Variants in SVIP observed in about 807,000 individuals in gnomAD.
The protein encoded by SVIP is small VCP interacting protein.
Under a neutral mutation model 12.9 loss-of-function variants are expected in SVIP, and 14 were observed. That is an observed-to-expected ratio of 1.08 (90% CI 0.72 to 1.70). The LOEUF is 1.70. Ranked by LOEUF, SVIP falls within the 40% of genes most tolerant of loss-of-function variation. The pLI is 0.00. For missense variants in SVIP, 93 were observed against 90.8 expected, an observed-to-expected ratio of 1.02 and a Z score of -0.10; for synonymous variants, 35 against 33.3, an observed-to-expected ratio of 1.05 and a Z score of -0.17.
rs549515287 is a variant in SVIP at position 22,821,535 on chromosome 11, A to T, written c.*1584T>A. 6.6e-6 allele frequency: 1 copy of T among 152,224 alleles called. No individual in the cohort carries two copies. Among genetic ancestry groups the T allele is most frequent in the Non-Finnish European group, 1.5e-5 (1 of 68,034 alleles). 9.4% of individuals were successfully genotyped at this position (152,224 alleles called of 1,614,324 possible). A position where few individuals can be genotyped will look rare whatever the true frequency, so the allele number is the denominator to read the frequency against. ...GTAAAGACAAAATTGTTCTTGCTAT[A>T]TTAAAATGGAAGAAAGGATTTGCAG... On this transcript the variant is annotated 3_prime_UTR_variant, in exon 4 of 4. Transcript: ENST00000354193.
chr11:22,821,201 G>A lies in SVIP; in HGVS notation c.*1918C>T, dbSNP rs1215529674. 1.4e-5 allele frequency: 2 copies of A among 147,452 alleles called. No individual in the cohort carries two copies. The highest frequency in any genetic ancestry group is 3.0e-5 in the Non-Finnish European group (2 of 67,118). 9.1% of individuals were successfully genotyped at this position (147,452 alleles called of 1,614,324 possible). ...TTGCTTTTTTTTTTAGTCATTTACC[G>A]GTTTCTCATAAGACATCCAGTCACT... On this transcript the variant is annotated 3_prime_UTR_variant, in exon 4 of 4. Transcript: ENST00000354193.
In SVIP at chr11:22,822,162, A is replaced by G. The variant is rs1305764445; in HGVS notation, c.*957T>C. ...AAAATGTTAAGGTTTATGACTATGC[A>G]TTGTATAGAATTACCTAATATTTTT... is the stretch of plus-strand genomic sequence containing the variant. On this transcript the variant is annotated 3_prime_UTR_variant, in exon 4 of 4. Transcript: ENST00000354193. 1 of 152,222 alleles carries G rather than the reference A, an allele frequency of 6.6e-6. No individual in the cohort carries two copies. The highest frequency in any genetic ancestry group is 6.5e-5 in the Admixed American group (1 of 15,290). 9.4% of individuals were successfully genotyped at this position (152,222 alleles called of 1,614,324 possible).
chr11:22,823,162 G>A (rs1252549025), intron 3 of SVIP, 29 bp from the exon 4 acceptor site: 1 of 1,552,230 alleles, frequency 6.4e-7, no homozygotes, highest in Non-Finnish European at 8.8e-7. Context: ...AGACAGAAAA[G>A]TAAATTTTAC....
At chr11:22,828,368 ACTT>A (rs1857803196) in intron 1 of SVIP, among the ~76,000 whole-genome samples, 1 of 152,194 alleles carries the variant, frequency 6.6e-6, no homozygotes, top group South Asian at 2.1e-4. Context: ...ACCATGTACT[ACTT>A]ATTATAAAGC....
chr11:22,824,649 G>C (rs1172397914), intron 3 of SVIP, among the ~76,000 whole-genome samples: 1 of 152,004 alleles, frequency 6.6e-6, no homozygotes, highest in East Asian at 1.9e-4. Context: ...AGGGGATATA[G>C]TCTACAATAT....
intron 1 of SVIP, among the ~76,000 whole-genome samples, chr11:22,828,119 T>C (rs1170146960): frequency 1.3e-5 from 2 of 152,180 alleles, no homozygotes; most frequent in African/African-American, 4.8e-5. Flanking sequence ...CTCTCTTTTT[T>C]AATAAAAAGG....
rs1302686379 is a variant in SVIP, at chr11:22,829,753, A to G, written c.-5T>C. The G allele has an allele frequency of 6.2e-7, 1 of 1,605,356 alleles. No individual in the cohort carries two copies. Among genetic ancestry groups the G allele is most frequent in the South Asian group, 1.1e-5 (1 of 89,480 alleles). Reference sequence around the variant, plus strand: ...ACAAGGAAAACACAGCCCCATAGGGACGACAGCTTGAGAACCCTGACCGGG... The same window carrying G: ...ACAAGGAAAACACAGCCCCATAGGGGCGACAGCTTGAGAACCCTGACCGGG... On this transcript the variant is annotated 5_prime_UTR_variant, in exon 1 of 4. Transcript: ENST00000354193.
In SVIP at chr11:22,823,527, G is replaced by C. The variant is rs531484330; in HGVS notation, c.220-394C>G. Among the ~76,000 whole-genome samples, 3 of 152,070 alleles carry C rather than the reference G, an allele frequency of 2.0e-5. No individual in the cohort carries two copies. In the East Asian group the frequency reaches 5.8e-4, roughly 29 times the overall value. ...ACGTCCTTCAATGCTTTAGCCCAAG[G>C]AGTCATGTAGTACCTCCCCTTCTAA... On this transcript the variant is annotated intron_variant, in intron 3 of 3. Coordinates refer to ENST00000354193, the MANE Select transcript of SVIP (RefSeq NM_148893.3).
chr11:22,827,178 T>C (rs1412283234), intron 3 of SVIP, 29 bp downstream of exon 3: 1 of 1,537,974 alleles, frequency 6.5e-7, no homozygotes, highest in Admixed American at 1.7e-5. Flanking sequence ...GCCAGTTAAG[T>C]TAATCACTAA....
Position 22,827,307 on chromosome 11 carries a change from C to G in SVIP, c.119G>C (p.Gly40Ala). The change falls in exon 3 of 4, where the codon GGA (glycine) becomes GCA (alanine). Residue 40 changes from glycine to alanine, a missense_variant. Physicochemically the swap from Gly to Ala is moderately conservative, Grantham distance 60. Coordinates refer to ENST00000354193, the MANE Select transcript of SVIP (RefSeq NM_148893.3). ...ERRQKEAASR[G>A]ILDVQSVQEK... is the part of the protein sequence containing the mutation. ...TTGCACAGATTGAACATCTAAAATTCCCCGAGATGCAGCCTTGAAGAAATT... is the reference window on the plus strand; with the variant it reads ...TTGCACAGATTGAACATCTAAAATTGCCCGAGATGCAGCCTTGAAGAAATT... 1.3e-6 allele frequency: 2 copies of G among 1,595,350 alleles called. No homozygotes were observed.
chr11:22,826,486 T>G (rs963953680), intron 3 of SVIP, among the ~76,000 whole-genome samples: 52 of 152,290 alleles, frequency 3.4e-4, no homozygotes, highest in African/African-American at 1.2e-3. Context: ...ATACTACTAT[T>G]TACTTTAAAA....
chr11:22,827,137 G>T, intron 3 of SVIP, 70 bp downstream of exon 3: 1 of 1,175,140 alleles, frequency 8.5e-7, no homozygotes, highest in Non-Finnish European at 1.3e-6. Flanking sequence ...AGAAAATTAT[G>T]AATGGATTGC....
rs1464660229 is a variant in SVIP, at chr11:22,819,145, A to C, written c.*3974T>G. 6.6e-6 allele frequency: 1 copy of C among 152,190 alleles called. No individual in the cohort carries two copies. Among genetic ancestry groups the C allele is most frequent in the Admixed American group, 6.5e-5 (1 of 15,286 alleles). The allele number at this position is 152,190 out of a possible 1,614,324, so 9.4% of individuals were successfully genotyped here. A position where few individuals can be genotyped will look rare whatever the true frequency, so the allele number is the denominator to read the frequency against. The stretch of plus-strand genomic sequence containing the variant: ...TTATTAGTTCCAGAAGTTTTTGTGG[A>C]ACCTCTGAGAATTTTCTACCTGAGA... On this transcript the variant is annotated 3_prime_UTR_variant, in exon 4 of 4. Coordinates refer to ENST00000354193, the MANE Select transcript of SVIP (RefSeq NM_148893.3).
chr11:22,827,913 CATT>C, intron 1 of SVIP, 39 bp from the exon 2 acceptor site: 1 of 1,361,960 alleles, frequency 7.3e-7, no homozygotes. Context: ...AAATAACAAA[CATT>C]ATTATTAATA....
rs893266271 is a variant in SVIP, at chr11:22,821,074, T to C, written c.*2045A>G. ...GTGTGTGTGTGTATATACACACACA[T>C]ATATAAATTAGAATTTGCAGATATT... On this transcript the variant is annotated 3_prime_UTR_variant, in exon 4 of 4. Transcript: ENST00000354193. 47 of 149,184 alleles carry C rather than the reference T, an allele frequency of 3.2e-4. No homozygotes were observed. The highest frequency in any genetic ancestry group is 8.6e-4 in the African/African-American group (35 of 40,860). The allele number at this position is 149,184 out of a possible 1,614,324, so 9.2% of individuals were successfully genotyped here.
At chr11:22,827,507 T>C (rs888371465) in intron 2 of SVIP, among the ~76,000 whole-genome samples, 187 bp from the exon 3 acceptor site, 10 of 152,152 alleles carry the variant, frequency 6.6e-5, no homozygotes, top group Admixed American at 6.5e-5. Flanking sequence ...ACTGGGTATT[T>C]TGTAACTATA....
Position 22,829,732 on chromosome 11 carries a change from G to GA in SVIP, c.16_17insT (p.Pro6LeufsTer68). ...GGGAGGCGCGGACTCCCCGGGACAA[G>GA]GAAAACACAGCCCCATAGGGACGAC... On this transcript the variant is annotated frameshift_variant, in exon 1 of 4. Transcript: ENST00000354193. LOFTEE classifies it high-confidence loss of function. The GA allele has an allele frequency of 6.2e-7, 1 of 1,607,784 alleles. No homozygotes were observed. Among genetic ancestry groups the GA allele is most frequent in the South Asian group, 1.1e-5 (1 of 89,756 alleles).
At chr11:22,829,372 A>C in intron 1 of SVIP, 1 of 277,190 alleles carries the variant, frequency 3.6e-6, no homozygotes, top group East Asian at 6.5e-5. Flanking sequence ...ATCCCCCGGA[A>C]TGTCCCACGC....
intron 3 of SVIP, among the ~76,000 whole-genome samples, 155 bp downstream of exon 3, chr11:22,827,051 TA>T (rs1262184464): frequency 3.3e-5 from 5 of 152,122 alleles, no homozygotes; most frequent in African/African-American, 7.2e-5. Context: ...AATGTTAAAA[TA>T]AATTGGTATT....
Sources: allele counts gnomAD v4.1 joint callset (sites outside exome capture counted in the v4.1 genomes callset), GRCh38; gene constraint gnomAD v4.1.1; transcripts MANE v1.5; gene names NCBI Gene and HGNC (gene_info 2026-07-23, HGNC 2026-07-21).